Variants in PLCG2 observed in about 807,000 individuals in gnomAD.
PLCG2 encodes phospholipase C gamma 2, also known as 1-phosphatidylinositol 4,5-bisphosphate phosphodiesterase gamma-2.
In PLCG2, 69 loss-of-function variants were observed where a neutral mutation model predicts 175.6. That is an observed-to-expected ratio of 0.39 (90% CI 0.32 to 0.48). The LOEUF (loss-of-function observed/expected upper bound fraction) is 0.48, where lower values mean the gene tolerates loss of function less well. Among genes scored for constraint, PLCG2 ranks in the 20% least tolerant of loss-of-function variants. The pLI is 0.91. For synonymous variants in PLCG2, 827 were observed against 624.0 expected (o/e 1.33, Z -4.85); for missense variants, 1,798 against 1,650.9 (o/e 1.09, Z -1.54).
rs772307116 is a variant in PLCG2 at position 81,858,243 on chromosome 16, G to A, written c.338-20G>A. On this transcript the variant is annotated intron_variant, in intron 3 of 32. Transcript: ENST00000564138. The stretch of plus-strand genomic sequence containing the variant: ...TCCCAGGAATTAACACAGCATTTCT[G>A]TTCCCTTTCTCCACTCCAGCTGACT... 2 of 1,551,672 alleles carry A rather than the reference G, an allele frequency of 1.3e-6. No individual in the cohort carries two copies. The highest frequency in any genetic ancestry group is 1.4e-5 in the African/African-American group (1 of 73,634).
At chr16:81,884,952 G>A (rs1256945605) in intron 9 of PLCG2, among the ~76,000 whole-genome samples, 2 of 152,004 alleles carry the variant, frequency 1.3e-5, no homozygotes, top group African/African-American at 4.8e-5. Context: ...CAGTGGCATG[G>A]TAACAGCTCA....
chr16:81,939,019 A>G (rs761837831), intron 29 of PLCG2, 104 bp downstream of exon 29: 7 of 690,110 alleles, frequency 1.0e-5, no homozygotes, highest in African/African-American at 3.6e-5. Context: ...TAGTTGTCCC[A>G]GGGTTTTCTT....
intron 31 of PLCG2, among the ~76,000 whole-genome samples, chr16:81,955,948 G>A (rs1911550281): frequency 6.6e-6 from 1 of 152,160 alleles, no homozygotes; most frequent in Non-Finnish European, 1.5e-5. Context: ...CATTTAAAGT[G>A]TACAATTCAA....
At chr16:81,809,785 C>A (rs1236375171) in intron 2 of PLCG2, among the ~76,000 whole-genome samples, 1 of 138,616 alleles carries the variant, frequency 7.2e-6, no homozygotes, top group Non-Finnish European at 1.5e-5. Context: ...TGTCTGATGT[C>A]CCAGTTATTG....
intron 2 of PLCG2, among the ~76,000 whole-genome samples, chr16:81,813,897 C>T (rs1351230907): frequency 6.6e-6 from 1 of 152,200 alleles, no homozygotes; most frequent in Non-Finnish European, 1.5e-5. Flanking sequence ...AAGGAAGTCA[C>T]AAGGCCAGCC....
At chr16:81,814,545 A>G (rs1442199776) in intron 2 of PLCG2, among the ~76,000 whole-genome samples, 4 of 152,120 alleles carry the variant, frequency 2.6e-5, no homozygotes, top group Admixed American at 2.6e-4. Flanking sequence ...CAATACGAAA[A>G]TTAGCCAGGC....
intron 1 of PLCG2, among the ~76,000 whole-genome samples, chr16:81,742,299 G>A (rs996726464): frequency 6.6e-6 from 1 of 152,132 alleles, no homozygotes; most frequent in Admixed American, 6.6e-5. Context: ...AACCTGCTAG[G>A]TGCCAGGCAG....
chr16:81,928,748 G>C, intron 24 of PLCG2, 124 bp downstream of exon 24: 1 of 697,178 alleles, frequency 1.4e-6, no homozygotes. Context: ...CTCCTTCCCT[G>C]GCTGAAGCTG....
intron 9 of PLCG2, 149 bp from the exon 10 acceptor site, chr16:81,889,023 A>G: frequency 3.6e-6 from 2 of 558,256 alleles, no homozygotes; most frequent in South Asian, 2.1e-5. Context: ...CATGTGCAGA[A>G]TGAGGCCTCA....
intron 7 of PLCG2, 46 bp downstream of exon 7, chr16:81,870,981 C>T (rs1312561978): frequency 6.6e-6 from 7 of 1,060,468 alleles, no homozygotes; most frequent in Non-Finnish European, 1.0e-5. Flanking sequence ...TTCTGTTTTC[C>T]ATGTATTTCC....
intron 21 of PLCG2, among the ~76,000 whole-genome samples, chr16:81,922,354 G>A (rs879415297): frequency 2.6e-5 from 4 of 152,174 alleles, no homozygotes; most frequent in Non-Finnish European, 5.9e-5. Context: ...TTTCTCATCT[G>A]CAAAATGGGC....
At chr16:81,865,184 G>T (rs1346094822) in intron 5 of PLCG2, among the ~76,000 whole-genome samples, 1 of 152,160 alleles carries the variant, frequency 6.6e-6, no homozygotes, top group East Asian at 1.9e-4. Flanking sequence ...TCCCTTGCGT[G>T]GACTGGGTCA....
At position 81,858,251 on chromosome 16, in the gene PLCG2, T is replaced by G. The variant is rs1906783551; in HGVS notation, c.338-12T>G. 6.3e-7 allele frequency: 1 copy of G among 1,587,010 alleles called. No individual in the cohort carries two copies. Among genetic ancestry groups the G allele is most frequent in the East Asian group, 2.2e-5 (1 of 44,730 alleles). The stretch of plus-strand genomic sequence containing the variant: ...ATTAACACAGCATTTCTGTTCCCTT[T>G]CTCCACTCCAGCTGACTCTAAAGAG... On this transcript the variant is annotated splice_polypyrimidine_tract_variant and intron_variant, in intron 3 of 32. Transcript: ENST00000564138.
At chr16:81,852,381 G>A (rs1906461977) in intron 2 of PLCG2, among the ~76,000 whole-genome samples, 1 of 152,110 alleles carries the variant, frequency 6.6e-6, no homozygotes, top group African/African-American at 2.4e-5. Flanking sequence ...GAAGGTGGTG[G>A]GGGTGAATCA....
chr16:81,748,853 T>G (rs1286354960), intron 1 of PLCG2, among the ~76,000 whole-genome samples: 1 of 152,120 alleles, frequency 6.6e-6, no homozygotes, highest in Non-Finnish European at 1.5e-5. Context: ...TTTGACAGAT[T>G]AGGAAAATTG....
intron 2 of PLCG2, among the ~76,000 whole-genome samples, chr16:81,805,073 C>A (rs547453385): frequency 6.6e-6 from 1 of 152,330 alleles, no homozygotes; most frequent in East Asian, 1.9e-4. Context: ...ACATCAGACA[C>A]TTTTCCCCAA....
chr16:81,816,133 G>T (rs568175815), intron 2 of PLCG2, among the ~76,000 whole-genome samples: 5 of 152,036 alleles, frequency 3.3e-5, no homozygotes, highest in Admixed American at 1.3e-4. Context: ...CACTTTGGGA[G>T]GCTGAGGCAG....
At chr16:81,788,430 G>A (rs1371909599) in intron 2 of PLCG2, among the ~76,000 whole-genome samples, 2 of 152,080 alleles carry the variant, frequency 1.3e-5, no homozygotes, top group Non-Finnish European at 2.9e-5. Flanking sequence ...ACAGGCGCCC[G>A]CCACCACGCC....
rs1239329937 is a variant in PLCG2 at position 81,958,554 on chromosome 16, CA to C, written c.*558del. On this transcript the variant is annotated 3_prime_UTR_variant, in exon 33 of 33. Coordinates refer to ENST00000564138, the MANE Select transcript of PLCG2 (RefSeq NM_002661.5). The stretch of plus-strand genomic sequence containing the variant: ...ACCACCGGCTGCCTGCTGCAGTCCA[CA>C]AGAAAATGGCTGAGTGATGGGATCT... 1.7e-5 allele frequency: 4 copies of C among 231,314 alleles called. No individual in the cohort carries two copies. Among genetic ancestry groups the C allele is most frequent in the Non-Finnish European group, 2.6e-5 (3 of 116,998 alleles). The allele number at this position is 231,314 out of a possible 1,614,324, so 14.3% of individuals were successfully genotyped here.
Sources: allele counts gnomAD v4.1 joint callset (sites outside exome capture counted in the v4.1 genomes callset), GRCh38; gene constraint gnomAD v4.1.1; transcripts MANE v1.5; gene names NCBI Gene and HGNC (gene_info 2026-07-23, HGNC 2026-07-21).